AP3B1: variants seen among roughly 807,000 people sequenced by gnomAD.
AP3B1 encodes the protein adaptor related protein complex 3 subunit beta 1.
AP3B1 carries 61 observed loss-of-function variants against 132.5 expected under a neutral mutation model. The ratio of observed to expected loss-of-function variants is 0.46; its 90% CI spans 0.37 to 0.57. The LOEUF (loss-of-function observed/expected upper bound fraction) is 0.57. Ranked by LOEUF, AP3B1 falls within the 20% of genes least tolerant of loss-of-function variation. The pLI is 0.00. For synonymous variants in AP3B1, 388 were observed against 438.3 expected, an observed-to-expected ratio of 0.89 and a Z score of 1.43; for missense variants, 1,120 against 1,289.4, an observed-to-expected ratio of 0.87 and a Z score of 2.01.
chr5:78,164,273 T>C (rs1743518898), intron 12 of AP3B1, among the ~76,000 whole-genome samples: 1 of 151,964 alleles, frequency 6.6e-6, no homozygotes, highest in Non-Finnish European at 1.5e-5. Flanking sequence ...TAGACAGTGA[T>C]AAAAATGAAT....
chr5:78,199,003 G>C (rs1350324872), intron 7 of AP3B1, among the ~76,000 whole-genome samples: 2 of 152,152 alleles, frequency 1.3e-5, no homozygotes, highest in Non-Finnish European at 2.9e-5. Context: ...AAACTGCTAT[G>C]CTATACACTT....
chr5:78,139,348 A>G (rs1753051025), intron 15 of AP3B1, among the ~76,000 whole-genome samples: 1 of 152,188 alleles, frequency 6.6e-6, no homozygotes, highest in African/African-American at 2.4e-5. Context: ...AGTGAACACC[A>G]TGGAGTTTCA....
chr5:78,105,160 A>G (rs1184594830), intron 20 of AP3B1, among the ~76,000 whole-genome samples: 1 of 152,228 alleles, frequency 6.6e-6, no homozygotes, highest in Non-Finnish European at 1.5e-5. Context: ...ATCATAATTT[A>G]AAGTTTTTAT....
chr5:78,004,425 T>A (rs1746311352), intron 26 of AP3B1, among the ~76,000 whole-genome samples: 1 of 152,200 alleles, frequency 6.6e-6, no homozygotes, highest in African/African-American at 2.4e-5. Context: ...TTAATTAAAA[T>A]ATTAGCCACT....
At chr5:78,039,798 G>GA (rs1216432579) in intron 22 of AP3B1, among the ~76,000 whole-genome samples, 3 of 130,250 alleles carry the variant, frequency 2.3e-5, no homozygotes, top group African/African-American at 8.8e-5. Context: ...AAAAAGAAAA[G>GA]AAAAGAAAAA....
intron 8 of AP3B1, among the ~76,000 whole-genome samples, chr5:78,178,029 CT>C (rs755510379): frequency 6.6e-6 from 1 of 152,102 alleles, no homozygotes; most frequent in Non-Finnish European, 1.5e-5. Flanking sequence ...AAAAGAGACA[CT>C]GAATGAACTG....
rs115982791 is a variant in AP3B1, at chr5:78,180,692, C to A, written c.942+815G>T. The stretch of plus-strand genomic sequence containing the variant: ...AAAAAAGGTTAGAAAATGCTATGTA[C>A]AGTATGATTTTTATCTTGGTTAAAA... On this transcript the variant is annotated intron_variant, in intron 8 of 26. Coordinates refer to ENST00000255194, the MANE Select transcript of AP3B1 (RefSeq NM_003664.5). Among the ~76,000 whole-genome samples, 1,100 of 151,804 alleles carry A rather than the reference C, an allele frequency of 7.2e-3. 9 individuals are homozygous for A. Among genetic ancestry groups the A allele is most frequent in the African/African-American group, 0.025 (1,049 of 41,446 alleles).
intron 1 of AP3B1, among the ~76,000 whole-genome samples, chr5:78,267,993 CT>C (rs1372143477): frequency 6.6e-6 from 1 of 152,142 alleles, no homozygotes; most frequent in Non-Finnish European, 1.5e-5. Flanking sequence ...ATGAGCCTTA[CT>C]TTCCAAACAG....
intron 22 of AP3B1, chr5:78,042,141 C>T (rs1748116989): frequency 1.2e-5 from 2 of 161,258 alleles, no homozygotes; most frequent in Middle Eastern, 3.1e-3. Context: ...CATCTCCAGA[C>T]TGGGAAGTGT....
intron 1 of AP3B1, among the ~76,000 whole-genome samples, chr5:78,269,405 T>C (rs1051746455): frequency 5.3e-5 from 8 of 152,168 alleles, no homozygotes; most frequent in Admixed American, 1.3e-4. Flanking sequence ...GAGAAGAATA[T>C]ATAACTGAAC....
At chr5:78,184,992 T>C (rs1744544193) in intron 7 of AP3B1, among the ~76,000 whole-genome samples, 1 of 152,124 alleles carries the variant, frequency 6.6e-6, no homozygotes, top group Non-Finnish European at 1.5e-5. Flanking sequence ...AATGACACTT[T>C]ACCAATAACA....
intron 2 of AP3B1, among the ~76,000 whole-genome samples, chr5:78,264,356 A>G (rs1748230475): frequency 6.6e-6 from 1 of 152,250 alleles, no homozygotes; most frequent in Non-Finnish European, 1.5e-5. Flanking sequence ...CAGGTAACAA[A>G]AACAGAGAGA....
intron 21 of AP3B1, among the ~76,000 whole-genome samples, chr5:78,092,625 A>C (rs577963157): frequency 6.6e-6 from 1 of 152,194 alleles, no homozygotes; most frequent in Non-Finnish European, 1.5e-5. Flanking sequence ...AATACTGTGT[A>C]AGCTGGTACA....
intron 7 of AP3B1, among the ~76,000 whole-genome samples, chr5:78,182,983 G>A (rs1744431519): frequency 6.6e-6 from 1 of 152,234 alleles, no homozygotes; most frequent in Non-Finnish European, 1.5e-5. Context: ...TCCTCACTGT[G>A]ATGATGTCAG....
At chr5:78,227,684 ATGGG>A (rs1197885380) in intron 4 of AP3B1, 152 bp from the exon 5 acceptor site, 4 of 706,220 alleles carry the variant, frequency 5.7e-6, no homozygotes, top group African/African-American at 3.6e-5. Context: ...GTATATAGGA[ATGGG>A]AAAAAAAGAC....
intron 26 of AP3B1, among the ~76,000 whole-genome samples, chr5:78,005,902 ATAGC>A (rs1746372227): frequency 6.6e-6 from 1 of 152,196 alleles, no homozygotes; most frequent in Non-Finnish European, 1.5e-5. Flanking sequence ...TAAGTAATAA[ATAGC>A]TAGCTTTGGG....
At chr5:78,144,806 A>C (rs1434336113) in intron 14 of AP3B1, among the ~76,000 whole-genome samples, 1 of 151,922 alleles carries the variant, frequency 6.6e-6, no homozygotes. Flanking sequence ...CTGTCAGAGC[A>C]ATCCACAGGT....
intron 15 of AP3B1, 146 bp downstream of exon 15, chr5:78,140,997 T>C (rs1753121335): frequency 1.4e-6 from 1 of 733,642 alleles, no homozygotes; most frequent in South Asian, 1.5e-5. Context: ...CTGTTTGCAC[T>C]AGTATCATCT....
intron 22 of AP3B1, among the ~76,000 whole-genome samples, chr5:78,085,896 C>CAGAT (rs1211300498): frequency 6.6e-6 from 1 of 152,108 alleles, no homozygotes; most frequent in Non-Finnish European, 1.5e-5. Flanking sequence ...TCCAAAACAT[C>CAGAT]AGATAGATGT....
Sources: gnomAD v4.1 joint callset for allele counts (sites outside exome capture counted in the v4.1 genomes callset) on GRCh38, gnomAD v4.1.1 for gene constraint, MANE v1.5 for transcripts, NCBI Gene and HGNC (gene_info 2026-07-23, HGNC 2026-07-21) for gene names.